Variants in NEK6 observed in about 807,000 individuals in gnomAD.
The protein encoded by NEK6 is NIMA related kinase 6, also known as serine/threonine-protein kinase Nek6.
A neutral mutation model predicts 43.5 loss-of-function variants in NEK6; 27 were observed. The ratio of observed to expected loss-of-function variants is 0.62; its 90% CI spans 0.46 to 0.86. NEK6 has a LOEUF of 0.86. Ranked by LOEUF, NEK6 falls within the 40% of genes least tolerant of loss-of-function variation. The pLI, the probability that NEK6 is intolerant of heterozygous loss-of-function variation, is 0.00. For missense variants in NEK6, 318 were observed against 414.4 expected, an observed-to-expected ratio of 0.77 and a Z score of 2.02; for synonymous variants, 167 against 164.1, an observed-to-expected ratio of 1.02 and a Z score of -0.14.
At chr9:124,261,042 A>C (rs1831010700) in intron 1 of NEK6, 1 of 152,258 alleles carries the variant, frequency 6.6e-6, no homozygotes, top group Admixed American at 6.5e-5. Context: ...ATAAACCCAC[A>C]AATGGCAGAG....
At chr9:124,284,313 C>T (rs1832054129) in intron 1 of NEK6, among the ~76,000 whole-genome samples, 1 of 152,240 alleles carries the variant, frequency 6.6e-6, no homozygotes, top group African/African-American at 2.4e-5. Context: ...GGCACCACTG[C>T]ACTCCATACT....
chr9:124,282,225 C>T (rs1309603319), intron 1 of NEK6, among the ~76,000 whole-genome samples: 1 of 152,220 alleles, frequency 6.6e-6, no homozygotes, highest in Non-Finnish European at 1.5e-5. Context: ...GTGCCTTTTT[C>T]TGGCTTCTGG....
At position 124,321,565 on chromosome 9, in the gene NEK6, T is replaced by A. The variant is rs1449600656; in HGVS notation, c.401T>A (p.Ile134Asn). ...LADAGDLSQM[I>N]KYFKKQKRLI... ...GACGCAGGGGACCTCTCGCAGATGA[T>A]CAAGGTGAGCGCCTGGCGGGGTGGG... Residue 134 changes from isoleucine to asparagine, a missense_variant, in exon 5 of 10, where the codon ATC becomes AAC. Physicochemically the swap from Ile to Asn is moderately radical, Grantham distance 149. This residue lies in a region of NEK6 where 239 missense variants were observed against 344.4 expected (regional missense o/e 0.69). Coordinates refer to ENST00000320246, the MANE Select transcript of NEK6 (RefSeq NM_014397.6). 6.2e-7 allele frequency: 1 copy of A among 1,606,242 alleles called. No homozygotes were observed.
At chr9:124,258,990 A>T (rs925671960) in intron 1 of NEK6, among the ~76,000 whole-genome samples, 1 of 152,180 alleles carries the variant, frequency 6.6e-6, no homozygotes, top group Non-Finnish European at 1.5e-5. Flanking sequence ...TTGCCTGTGT[A>T]TGTGGGGGCC....
intron 9 of NEK6, among the ~76,000 whole-genome samples, 194 bp from the exon 10 acceptor site, chr9:124,350,643 G>C (rs975364811): frequency 9.9e-5 from 15 of 152,146 alleles, no homozygotes; most frequent in African/African-American, 3.1e-4. Flanking sequence ...AGGGGTACTG[G>C]CTAGCCCTTG....
chr9:124,296,896 C>T (rs1025926655), intron 1 of NEK6, among the ~76,000 whole-genome samples: 2 of 152,246 alleles, frequency 1.3e-5, no homozygotes, highest in African/African-American at 4.8e-5. Flanking sequence ...CCACTTGGAA[C>T]CTCAGAGCCA....
At chr9:124,341,716 G>A (rs555407925) in intron 8 of NEK6, among the ~76,000 whole-genome samples, 9 of 152,154 alleles carry the variant, frequency 5.9e-5, no homozygotes, top group South Asian at 4.1e-4. Flanking sequence ...TTGGGGCGGC[G>A]AGTGTTGAGC....
chr9:124,346,446 C>T (rs1829929531), intron 8 of NEK6, among the ~76,000 whole-genome samples: 1 of 152,212 alleles, frequency 6.6e-6, no homozygotes, highest in African/African-American at 2.4e-5. Flanking sequence ...CCCCAGGTAT[C>T]CCAGGGCCCC....
intron 1 of NEK6, among the ~76,000 whole-genome samples, chr9:124,267,831 A>G (rs2118895812): frequency 6.6e-6 from 1 of 152,376 alleles, no homozygotes; most frequent in East Asian, 1.9e-4. Context: ...AAACATGCAG[A>G]GAAAATACTT....
intron 1 of NEK6, among the ~76,000 whole-genome samples, chr9:124,273,611 G>A (rs1014477196): frequency 3.3e-5 from 5 of 152,098 alleles, no homozygotes; most frequent in East Asian, 1.9e-4. Context: ...AAGTTGTCCC[G>A]TCCCACCGTT....
intron 1 of NEK6, among the ~76,000 whole-genome samples, chr9:124,280,117 G>T (rs1376618462): frequency 6.6e-6 from 1 of 152,240 alleles, no homozygotes; most frequent in Non-Finnish European, 1.5e-5. Flanking sequence ...CCAGCTTTGA[G>T]CCTGGAATTC....
At chr9:124,331,419 G>A (rs976932832) in intron 7 of NEK6, among the ~76,000 whole-genome samples, 6 of 151,892 alleles carry the variant, frequency 4.0e-5, no homozygotes, top group African/African-American at 7.2e-5. Flanking sequence ...AGAGCCCCAC[G>A]GGAAATCAGC....
intron 1 of NEK6, among the ~76,000 whole-genome samples, chr9:124,274,821 AT>A (rs1831588344): frequency 6.6e-6 from 1 of 152,136 alleles, no homozygotes; most frequent in Non-Finnish European, 1.5e-5. Context: ...CTGCATGTCC[AT>A]TTGTAGCAAG....
intron 1 of NEK6, among the ~76,000 whole-genome samples, chr9:124,293,167 G>A (rs1230448128): frequency 6.6e-6 from 1 of 152,204 alleles, no homozygotes; most frequent in Admixed American, 6.5e-5. Context: ...TGCAGACTTT[G>A]GAGAGGGTTG....
intron 1 of NEK6, among the ~76,000 whole-genome samples, chr9:124,288,206 G>C (rs975292143): frequency 6.6e-6 from 1 of 152,260 alleles, no homozygotes. Flanking sequence ...CAGGGATATC[G>C]CTGTTGCGTG....
chr9:124,320,407 C>T (rs1834009305), intron 4 of NEK6, among the ~76,000 whole-genome samples: 2 of 152,170 alleles, frequency 1.3e-5, no homozygotes, highest in African/African-American at 2.4e-5. Flanking sequence ...TGCCCAGGCT[C>T]CCCTCATTTT....
In NEK6 at chr9:124,275,303, G is replaced by A. The variant is rs976119882; in HGVS notation, c.-30+17218G>A. Among the ~76,000 whole-genome samples the A allele has an allele frequency of 5.3e-5, 8 of 152,312 alleles. No individual in the cohort carries two copies. In the South Asian group the frequency reaches 8.3e-4, roughly 16 times the overall value. On this transcript the variant is annotated intron_variant, in intron 1 of 9. Coordinates refer to ENST00000320246, the MANE Select transcript of NEK6 (RefSeq NM_014397.6). The surrounding 1 kb of genome is among the most constrained non-coding windows in gnomAD (Gnocchi z 4.4). Reference sequence around the variant, plus strand: ...ATTTCATCCACGTCACTAACTTGCCGGATGTCTTTGAGTCATGGTTTCACC... The same window carrying A: ...ATTTCATCCACGTCACTAACTTGCCAGATGTCTTTGAGTCATGGTTTCACC...
intron 1 of NEK6, among the ~76,000 whole-genome samples, chr9:124,271,741 G>A (rs1186798873): frequency 6.6e-6 from 1 of 152,260 alleles, no homozygotes; most frequent in Non-Finnish European, 1.5e-5. Flanking sequence ...ACCGTCTGCT[G>A]CATCTGCATC....
At chr9:124,313,725 A>G (rs1161001067) in intron 3 of NEK6, among the ~76,000 whole-genome samples, 198 bp from the exon 4 acceptor site, 1 of 151,066 alleles carries the variant, frequency 6.6e-6, no homozygotes, top group Non-Finnish European at 1.5e-5. Context: ...TAGTGCCACG[A>G]TGGGTTTTGT....
Sources: allele counts gnomAD v4.1 joint callset (sites outside exome capture counted in the v4.1 genomes callset), GRCh38; gene constraint gnomAD v4.1.1; regional missense constraint gnomAD v4.1.1; non-coding constraint Gnocchi (gnomAD v3.1); transcripts MANE v1.5; gene names NCBI Gene and HGNC (gene_info 2026-07-23, HGNC 2026-07-21).